The following PLEKHA7 variants were observed in gnomAD, a reference collection of about 807,000 sequenced individuals.
PLEKHA7 encodes the protein pleckstrin homology domain containing A7.
Under a neutral mutation model 170.0 loss-of-function variants are expected in PLEKHA7, and 104 were observed. The ratio of observed to expected loss-of-function variants is 0.61; its 90% confidence interval spans 0.52 to 0.72. The LOEUF (loss-of-function observed/expected upper bound fraction) is 0.72. Among genes scored for constraint, PLEKHA7 ranks in the 30% least tolerant of loss-of-function variants. The probability of loss-of-function intolerance (pLI) is 0.00; values close to 1 mark genes in which losing one functional copy is unlikely to be tolerated. For missense variants in PLEKHA7, 1,615 were observed against 1,671.7 expected (o/e 0.97, Z 0.59); for synonymous variants, 648 against 660.8 (o/e 0.98, Z 0.30).
intron 26 of PLEKHA7, among the ~76,000 whole-genome samples, chr11:16,780,610 A>C (rs1848950414): frequency 6.6e-6 from 1 of 152,212 alleles, no homozygotes; most frequent in Non-Finnish European, 1.5e-5. Context: ...CAAGGCTGGC[A>C]GTGTGGTCTG....
At chr11:16,800,882 C>T in intron 17 of PLEKHA7, 92 bp downstream of exon 17, 11 of 1,100,594 alleles carry the variant, frequency 1.0e-5, no homozygotes, top group Non-Finnish European at 1.5e-5. Flanking sequence ...CTGAGCAGTG[C>T]TCACAACCCC....
Position 16,841,343 on chromosome 11 carries a change from T to C in PLEKHA7, c.872+204A>G, listed in dbSNP as rs530919715. On this transcript the variant is annotated intron_variant, in intron 9 of 26. Transcript: ENST00000531066. ...GAAGAAAAACTGAGAAGCCCACACATGCCAGTTTCCATGGCTGTGGATCCC... is the reference window on the plus strand; with the variant it reads ...GAAGAAAAACTGAGAAGCCCACACACGCCAGTTTCCATGGCTGTGGATCCC... Among the ~76,000 whole-genome samples the C allele has an allele frequency of 1.7e-4, 26 of 152,334 alleles. 1 individual carries two copies. The South Asian group carries it at 5.2e-3, about 30-fold the overall frequency.
chr11:16,795,312 C>A, intron 17 of PLEKHA7: 1 of 364,926 alleles, frequency 2.7e-6, no homozygotes, highest in Non-Finnish European at 5.1e-6. Context: ...TACTGTATGA[C>A]ATACTTAGAG....
At chr11:16,935,311 T>C (rs906262874) in intron 3 of PLEKHA7, among the ~76,000 whole-genome samples, 2 of 152,246 alleles carry the variant, frequency 1.3e-5, no homozygotes, top group African/African-American at 4.8e-5. Flanking sequence ...CATATGCCTG[T>C]AATCCCAGCT....
intron 9 of PLEKHA7, among the ~76,000 whole-genome samples, chr11:16,828,415 G>C (rs1219219738): frequency 6.6e-6 from 1 of 152,122 alleles, no homozygotes; most frequent in African/African-American, 2.4e-5. Context: ...GGCCTCCCCA[G>C]CCATGTGGAA....
chr11:16,793,873 AAG>A (rs1848026206), intron 19 of PLEKHA7, among the ~76,000 whole-genome samples: 1 of 152,226 alleles, frequency 6.6e-6, no homozygotes. Context: ...CACAGAATAA[AAG>A]AGAAGGGCCA....
rs116490890 is a variant in PLEKHA7, at chr11:17,002,504, C to G, written c.221+11485G>C. ...ATAGAATTTGGAGCCAAGAAGACTTCGGTTCAAGTCTTAAACCCCTCGGTG... is the reference window on the plus strand; with the variant it reads ...ATAGAATTTGGAGCCAAGAAGACTTGGGTTCAAGTCTTAAACCCCTCGGTG... On this transcript the variant is annotated intron_variant, in intron 3 of 26. Transcript: ENST00000531066. 1.8e-3 allele frequency among the ~76,000 whole-genome samples: 279 copies of G among 152,200 alleles called. 2 individuals are homozygous for G. Among genetic ancestry groups the G allele is most frequent in the African/African-American group, 6.3e-3 (263 of 41,532 alleles).
intron 8 of PLEKHA7, among the ~76,000 whole-genome samples, chr11:16,845,503 A>G (rs1484840954): frequency 6.6e-6 from 1 of 152,106 alleles, no homozygotes; most frequent in African/African-American, 2.4e-5. Context: ...AGTAGCCTGG[A>G]CTACAGGAAT....
At chr11:16,969,152 C>T (rs1398868497) in intron 3 of PLEKHA7, among the ~76,000 whole-genome samples, 2 of 152,066 alleles carry the variant, frequency 1.3e-5, no homozygotes, top group African/African-American at 2.4e-5. Context: ...TCTCACTTTC[C>T]CATCTCCCAT....
At chr11:16,963,258 T>C (rs1323861404) in intron 3 of PLEKHA7, among the ~76,000 whole-genome samples, 2 of 152,214 alleles carry the variant, frequency 1.3e-5, no homozygotes, top group East Asian at 3.8e-4. Context: ...CAGCATCTTT[T>C]ATTTTTAGAG....
chr11:16,899,212 T>C (rs1164660742), intron 3 of PLEKHA7, among the ~76,000 whole-genome samples: 1 of 152,168 alleles, frequency 6.6e-6, no homozygotes, highest in African/African-American at 2.4e-5. Context: ...AACTTTTGCA[T>C]ATGGCTGGGC....
chr11:16,974,151 A>G (rs893385754), intron 3 of PLEKHA7, among the ~76,000 whole-genome samples: 2 of 152,056 alleles, frequency 1.3e-5, no homozygotes, highest in Non-Finnish European at 2.9e-5. Flanking sequence ...CATCCCAGCT[A>G]CGTGGGTAAG....
intron 3 of PLEKHA7, among the ~76,000 whole-genome samples, chr11:17,001,943 C>T (rs1864688474): frequency 6.6e-6 from 1 of 152,234 alleles, no homozygotes; most frequent in Admixed American, 6.5e-5. Flanking sequence ...ATTGGAAATG[C>T]TCTTCTGGCA....
intron 3 of PLEKHA7, among the ~76,000 whole-genome samples, chr11:16,971,749 T>A (rs528850481): frequency 4.5e-4 from 68 of 152,300 alleles, no homozygotes; most frequent in African/African-American, 1.4e-3. Flanking sequence ...ATAGTTTTTT[T>A]AAATATCTTT....
At position 16,817,232 on chromosome 11, in the gene PLEKHA7, T is replaced by A; in HGVS notation, c.1434A>T (p.Arg478=). Residue 478 remains arginine, a synonymous_variant, in exon 11 of 27, where the codon CGA becomes CGT. Coordinates refer to ENST00000531066, the MANE Select transcript of PLEKHA7 (RefSeq NM_001329630.2). The surrounding 1 kb of genome is among the most constrained non-coding windows in gnomAD (Gnocchi z 4.4). ...GTGGCGAGGAGCCCCCCGAGGGGTG[T>A]CGGGTGCTCTTGGGAAGAGTCTGGT... ...ENYQTLPKST[R]HPSGGSSPPP... is the part of the protein sequence containing the mutation. 6.2e-7 allele frequency: 1 copy of A among 1,613,908 alleles called. No homozygotes were observed. The highest frequency in any genetic ancestry group is 8.5e-7 in the Non-Finnish European group (1 of 1,180,012).
intron 3 of PLEKHA7, among the ~76,000 whole-genome samples, chr11:16,985,315 G>A (rs1432340141): frequency 2.0e-5 from 3 of 152,200 alleles, no homozygotes; most frequent in African/African-American, 7.2e-5. Context: ...CTGAATGTGA[G>A]GACAGGCAGA....
intron 3 of PLEKHA7, among the ~76,000 whole-genome samples, chr11:16,923,733 C>T (rs924336915): frequency 6.6e-6 from 1 of 152,112 alleles, no homozygotes; most frequent in Non-Finnish European, 1.5e-5. Flanking sequence ...AGTAAGCCCA[C>T]CCTATTCCCC....
At chr11:16,958,393 T>G (rs924554946) in intron 3 of PLEKHA7, among the ~76,000 whole-genome samples, 1 of 152,034 alleles carries the variant, frequency 6.6e-6, no homozygotes, top group African/African-American at 2.4e-5. Context: ...TTTATGGGAT[T>G]TTTTAAGTAA....
intron 3 of PLEKHA7, among the ~76,000 whole-genome samples, chr11:16,924,635 C>G (rs1043216571): frequency 3.3e-5 from 5 of 152,128 alleles, no homozygotes; most frequent in Non-Finnish European, 7.4e-5. Flanking sequence ...CCACCGACAA[C>G]GAAAGGGGAA....
Sources: allele counts gnomAD v4.1 joint callset (sites outside exome capture counted in the v4.1 genomes callset), GRCh38; gene constraint gnomAD v4.1.1; non-coding constraint Gnocchi (gnomAD v3.1); transcripts MANE v1.5; gene names NCBI Gene and HGNC (gene_info 2026-07-23, HGNC 2026-07-21).